The following EIF2B3 variants were observed in gnomAD, a reference collection of about 807,000 sequenced individuals.
EIF2B3 encodes translation initiation factor eIF2B subunit gamma.
Under a neutral mutation model 54.1 loss-of-function variants are expected in EIF2B3, and 20 were observed. The ratio of observed to expected loss-of-function variants is 0.37; its 90% CI spans 0.26 to 0.54. The LOEUF (loss-of-function observed/expected upper bound fraction) is 0.54. Ranked by LOEUF, EIF2B3 falls within the 20% of genes least tolerant of loss-of-function variation. The pLI is 0.86. For missense variants in EIF2B3, 448 were observed against 547.8 expected (o/e 0.82, Z 1.82); for synonymous variants, 153 against 188.1 (o/e 0.81, Z 1.52).
At chr1:44,928,253 T>C (rs574522409) in intron 4 of EIF2B3, among the ~76,000 whole-genome samples, 1 of 152,226 alleles carries the variant, frequency 6.6e-6, no homozygotes, top group South Asian at 2.1e-4. Context: ...CAGACCAGCC[T>C]GGCCAACATG....
At chr1:44,980,879 G>A (rs113652926) in intron 2 of EIF2B3, 142 bp downstream of exon 2, 10 of 968,818 alleles carry the variant, frequency 1.0e-5, no homozygotes, top group African/African-American at 6.5e-5. Context: ...CAGCAATAGA[G>A]TACTCCTACA....
At chr1:44,928,500 GTTT>G (rs113385864) in intron 4 of EIF2B3, among the ~76,000 whole-genome samples, 1 of 139,164 alleles carries the variant, frequency 7.2e-6, no homozygotes. Context: ...AGGGCGCTTC[GTTT>G]TTTTTTTTTT....
intron 5 of EIF2B3, among the ~76,000 whole-genome samples, chr1:44,901,985 G>C (rs542181524): frequency 6.6e-6 from 1 of 152,286 alleles, no homozygotes; most frequent in African/African-American, 2.4e-5. Context: ...TCTGTATGGA[G>C]TGAGGTAAGG....
Position 44,874,743 on chromosome 1 carries a change from A to G in EIF2B3, c.1137T>C (p.Cys379=). 6.2e-7 allele frequency: 1 copy of G among 1,614,144 alleles called. No individual in the cohort carries two copies. The highest frequency in any genetic ancestry group is 8.5e-7 in the Non-Finnish European group (1 of 1,180,016). The stretch of plus-strand genomic sequence containing the variant: ...TAATAGTCACTCTATCTTTTATGAG[A>G]CAGGATGAGCCAATGACTGAGCGCT... ...SIKRSVIGSS[C]LIKDRVTITN... Residue 379 remains cysteine (C), a synonymous_variant, in exon 10 of 12, where the codon TGT becomes TGC. Transcript: ENST00000360403.
At position 44,915,309 on chromosome 1, in the gene EIF2B3, A is replaced by T. The variant is rs866299834; in HGVS notation, c.566+11319T>A. 3.3e-5 allele frequency among the ~76,000 whole-genome samples: 5 copies of T among 152,156 alleles called. No homozygotes were observed. In the Middle Eastern group the frequency reaches 0.01, roughly 311 times the overall value. On this transcript the variant is annotated intron_variant, in intron 5 of 11. Coordinates refer to ENST00000360403, the MANE Select transcript of EIF2B3 (RefSeq NM_020365.5). ...AGTGAGACCCTGTCTCAAAAAAAAA[A>T]AATTATTATTATTATTTTTTGAGAT... is the stretch of plus-strand genomic sequence containing the variant.
chr1:44,863,263 ATGGC>A (rs1258898274), intron 10 of EIF2B3: 4 of 152,240 alleles, frequency 2.6e-5, no homozygotes, highest in Non-Finnish European at 5.9e-5. Context: ...CCGAAAGATT[ATGGC>A]TGAGTCACCC....
intron 10 of EIF2B3, among the ~76,000 whole-genome samples, chr1:44,869,747 C>A (rs1309434587): frequency 6.6e-6 from 1 of 151,382 alleles, no homozygotes; most frequent in South Asian, 2.1e-4. Flanking sequence ...ACTATAGGCG[C>A]GAGCCACCAC....
At chr1:44,901,116 A>C (rs1282673036) in intron 5 of EIF2B3, among the ~76,000 whole-genome samples, 1 of 151,924 alleles carries the variant, frequency 6.6e-6, no homozygotes. Flanking sequence ...TAATTGAAAA[A>C]AAAATTTTTT....
rs750496935 is a variant in EIF2B3 at position 44,850,993 on chromosome 1, C to T, written c.1317G>A (p.Val439=). The change falls in exon 12 of 12, where the codon GTG becomes GTA. Residue 439 remains valine, a synonymous_variant. Coordinates refer to ENST00000360403, the MANE Select transcript of EIF2B3 (RefSeq NM_020365.5). The part of the protein sequence containing the change: ...GQRIEAKAKR[V]NEVIVGNDQL... The stretch of plus-strand genomic sequence containing the variant: ...GGTCATTCCCCACGATCACCTCATT[C>T]ACTCGTTTAGCTACAAAAGAAAAGG... 1 of 1,614,110 alleles carries T rather than the reference C, an allele frequency of 6.2e-7. No homozygotes were observed. Among genetic ancestry groups the T allele is most frequent in the East Asian group, 2.2e-5 (1 of 44,882 alleles).
At position 44,954,053 on chromosome 1, in the gene EIF2B3, G is replaced by A. The variant is rs149121229; in HGVS notation, c.295-12388C>T. ...CTGCTATCAGACAAAGTAGAATTAC[G>A]CCAAAATCATTAAATAAAACAAAGG... is the stretch of plus-strand genomic sequence containing the variant. On this transcript the variant is annotated intron_variant, in intron 3 of 11. Coordinates refer to ENST00000360403, the MANE Select transcript of EIF2B3 (RefSeq NM_020365.5). Among the ~76,000 whole-genome samples, 19 of 152,098 alleles carry A rather than the reference G, an allele frequency of 1.2e-4. No individual in the cohort carries two copies. In the East Asian group the frequency reaches 3.1e-3, roughly 25 times the overall value.
intron 5 of EIF2B3, among the ~76,000 whole-genome samples, chr1:44,922,281 G>T (rs530196345): frequency 6.7e-6 from 1 of 150,364 alleles, no homozygotes; most frequent in African/African-American, 2.4e-5. Context: ...TTTTGATAGG[G>T]ATTGCATAAA....
At chr1:44,954,241 A>G (rs1644199476) in intron 3 of EIF2B3, among the ~76,000 whole-genome samples, 1 of 152,228 alleles carries the variant, frequency 6.6e-6, no homozygotes, top group Admixed American at 6.5e-5. Flanking sequence ...TTTTGGTTCC[A>G]TATGAAATTT....
chr1:44,937,883 C>CAAAAAAAAAAAAA, intron 4 of EIF2B3, among the ~76,000 whole-genome samples: 1 of 33,534 alleles, frequency 3.0e-5, no homozygotes, highest in Non-Finnish European at 5.3e-5. Flanking sequence ...GACTCCGTCT[C>CAAAAAAAAAAAAA]AAAAAAAAAA....
intron 8 of EIF2B3, among the ~76,000 whole-genome samples, chr1:44,878,124 G>C (rs1655259085): frequency 6.6e-6 from 1 of 152,164 alleles, no homozygotes; most frequent in Non-Finnish European, 1.5e-5. Flanking sequence ...TGTGGGACTA[G>C]CTATGATTTC....
chr1:44,865,179 T>A (rs900128609), intron 10 of EIF2B3, among the ~76,000 whole-genome samples: 1 of 149,268 alleles, frequency 6.7e-6, no homozygotes, highest in Non-Finnish European at 1.5e-5. Context: ...AAATTGTCAC[T>A]GCACTCCAGC....
intron 5 of EIF2B3, among the ~76,000 whole-genome samples, chr1:44,914,748 G>C (rs931571095): frequency 2.6e-5 from 4 of 152,024 alleles, no homozygotes; most frequent in Non-Finnish European, 5.9e-5. Flanking sequence ...GAGTGCAGTA[G>C]CACGGTCTTG....
At chr1:44,972,037 C>CA (rs1364863542) in intron 3 of EIF2B3, among the ~76,000 whole-genome samples, 2 of 150,550 alleles carry the variant, frequency 1.3e-5, no homozygotes, top group African/African-American at 2.4e-5. Context: ...TTCTCAAAAA[C>CA]AAAAAAACAA....
At position 44,899,724 on chromosome 1, in the gene EIF2B3, T is replaced by C. The variant is rs150101936; in HGVS notation, c.567-2280A>G. On this transcript the variant is annotated intron_variant, in intron 5 of 11. Transcript: ENST00000360403. ...CTGTGGAGAAAAAGAAATGTTTATA[T>C]ACTGTTGGTGGGAATGTAAACTAGT... 4.7e-3 allele frequency among the ~76,000 whole-genome samples: 718 copies of C among 152,306 alleles called. 2 individuals carry two copies. Among genetic ancestry groups the C allele is most frequent in the East Asian group, 8.1e-3 (42 of 5,186 alleles).
intron 10 of EIF2B3, among the ~76,000 whole-genome samples, chr1:44,859,394 T>C (rs1233596968): frequency 5.3e-5 from 8 of 152,094 alleles, no homozygotes; most frequent in African/African-American, 1.2e-4. Flanking sequence ...CGGTGGCTCA[T>C]GCCTGTAATC....
Sources: gnomAD v4.1 joint callset for allele counts (sites outside exome capture counted in the v4.1 genomes callset) on GRCh38, gnomAD v4.1.1 for gene constraint, MANE v1.5 for transcripts, NCBI Gene and HGNC (gene_info 2026-07-23, HGNC 2026-07-21) for gene names.